The following ZCCHC7 variants were observed in gnomAD, a reference collection of about 807,000 sequenced individuals.
ZCCHC7 encodes zinc finger CCHC-type containing 7, also known as zinc finger CCHC domain-containing protein 7.
ZCCHC7 carries 35 observed loss-of-function variants against 52.0 expected under a neutral mutation model. That is an observed-to-expected ratio of 0.67 (90% CI 0.51 to 0.89). The LOEUF is 0.89. ZCCHC7 is among the 40% of genes least tolerant of loss of function. ZCCHC7 has a pLI of 0.00. For missense variants in ZCCHC7, 574 were observed against 649.1 expected, an observed-to-expected ratio of 0.88 and a Z score of 1.26; for synonymous variants, 217 against 221.5, an observed-to-expected ratio of 0.98 and a Z score of 0.18.
At chr9:37,165,367 C>T (rs75575755) in intron 2 of ZCCHC7, among the ~76,000 whole-genome samples, 7,709 of 151,682 alleles carry the variant, frequency 0.051, 644 homozygotes, top group African/African-American at 0.17. Context: ...AAGTATAGGG[C>T]GAGAGTGAAC....
intron 2 of ZCCHC7, among the ~76,000 whole-genome samples, chr9:37,263,980 G>A (rs1826981296): frequency 6.6e-6 from 1 of 152,198 alleles, no homozygotes; most frequent in Admixed American, 6.5e-5. Flanking sequence ...GACCTTTCCT[G>A]AACTTGGTGA....
At chr9:37,317,558 A>G (rs964008236) in intron 5 of ZCCHC7, among the ~76,000 whole-genome samples, 3 of 152,232 alleles carry the variant, frequency 2.0e-5, no homozygotes, top group African/African-American at 7.2e-5. Flanking sequence ...AAAAAGACAG[A>G]AAAATATAAA....
chr9:37,291,146 C>T, intron 2 of ZCCHC7, among the ~76,000 whole-genome samples: 1 of 152,126 alleles, frequency 6.6e-6, no homozygotes. Flanking sequence ...ATATTTTCCA[C>T]ACAAAATGGC....
At chr9:37,227,568 C>T (rs1456660020) in intron 2 of ZCCHC7, among the ~76,000 whole-genome samples, 1 of 152,148 alleles carries the variant, frequency 6.6e-6, no homozygotes, top group African/African-American at 2.4e-5. Context: ...CCATCCAACC[C>T]AGGAGTTCCA....
At chr9:37,211,028 T>G (rs1219843153) in intron 2 of ZCCHC7, among the ~76,000 whole-genome samples, 1 of 152,268 alleles carries the variant, frequency 6.6e-6, no homozygotes, top group Non-Finnish European at 1.5e-5. Flanking sequence ...CCAGGAATGC[T>G]AATGTCTCCA....
intron 2 of ZCCHC7, among the ~76,000 whole-genome samples, chr9:37,202,820 C>T (rs954836445): frequency 6.6e-6 from 1 of 152,198 alleles, no homozygotes; most frequent in Non-Finnish European, 1.5e-5. Context: ...TATGGATCCA[C>T]GTTTGTCTCC....
intron 2 of ZCCHC7, among the ~76,000 whole-genome samples, chr9:37,296,313 G>T (rs189644396): frequency 2.6e-4 from 40 of 152,306 alleles, no homozygotes; most frequent in Admixed American, 8.5e-4. Flanking sequence ...TGTATAAAAA[G>T]AAGGTGTGGA....
intron 2 of ZCCHC7, among the ~76,000 whole-genome samples, chr9:37,199,604 A>G (rs1382995105): frequency 6.6e-6 from 1 of 150,608 alleles, no homozygotes; most frequent in African/African-American, 2.4e-5. Context: ...AAGTGCTGGG[A>G]TTACAGGCGT....
intron 2 of ZCCHC7, chr9:37,144,899 T>G (rs146941947): frequency 1.3e-5 from 2 of 152,010 alleles, no homozygotes; most frequent in Non-Finnish European, 2.9e-5. Flanking sequence ...CTCAGAAGAC[T>G]CAAAGGAATT....
At chr9:37,251,985 T>A (rs747544972) in intron 2 of ZCCHC7, among the ~76,000 whole-genome samples, 3 of 152,218 alleles carry the variant, frequency 2.0e-5, no homozygotes, top group East Asian at 3.8e-4. Flanking sequence ...CTGCCTTTTT[T>A]AATATATAAA....
intron 2 of ZCCHC7, among the ~76,000 whole-genome samples, chr9:37,272,883 A>C (rs951571119): frequency 6.6e-6 from 1 of 152,162 alleles, no homozygotes; most frequent in African/African-American, 2.4e-5. Flanking sequence ...ATTCTATTGT[A>C]TGATTGCACC....
intron 2 of ZCCHC7, among the ~76,000 whole-genome samples, chr9:37,170,830 T>C (rs1821688474): frequency 6.6e-6 from 1 of 152,168 alleles, no homozygotes; most frequent in African/African-American, 2.4e-5. Context: ...ATAGCACCTT[T>C]CTTAACCTCT....
intron 2 of ZCCHC7, among the ~76,000 whole-genome samples, chr9:37,246,719 G>T (rs1420554505): frequency 1.3e-5 from 2 of 152,096 alleles, no homozygotes; most frequent in African/African-American, 4.8e-5. Flanking sequence ...GGTATCTACA[G>T]ATTCAACTAA....
At chr9:37,230,573 G>C (rs572220102) in intron 2 of ZCCHC7, among the ~76,000 whole-genome samples, 2 of 152,158 alleles carry the variant, frequency 1.3e-5, no homozygotes, top group African/African-American at 4.8e-5. Context: ...AGTTAGGTTG[G>C]TAGCAGCTTT....
chr9:37,315,896 A>G (rs954549347), intron 5 of ZCCHC7, among the ~76,000 whole-genome samples: 13 of 146,448 alleles, frequency 8.9e-5, no homozygotes, highest in Non-Finnish European at 1.7e-4. Context: ...GGAAGGTAGT[A>G]GTGGGTAGCA....
chr9:37,156,741 G>C (rs1157644705), intron 2 of ZCCHC7, among the ~76,000 whole-genome samples: 2 of 152,210 alleles, frequency 1.3e-5, no homozygotes, highest in African/African-American at 2.4e-5. Context: ...TGTTCAGATA[G>C]ATACGACTTT....
chr9:37,126,317 A>G lies in ZCCHC7; in HGVS notation c.-16A>G, dbSNP rs1294517230. 8 of 1,600,648 alleles carry G rather than the reference A, an allele frequency of 5.0e-6. No individual in the cohort carries two copies. Among genetic ancestry groups the G allele is most frequent in the South Asian group, 1.1e-5 (1 of 88,992 alleles). On this transcript the variant is annotated 5_prime_UTR_variant, in exon 2 of 9. Transcript: ENST00000336755. ...TACAACTTTCTCTTTTGCAGCTTCA[A>G]GGTTACTGACTTTTTATGATGTTTG... is the stretch of plus-strand genomic sequence containing the variant.
chr9:37,311,818 G>A (rs1234168646), intron 5 of ZCCHC7, among the ~76,000 whole-genome samples: 2 of 152,184 alleles, frequency 1.3e-5, no homozygotes, highest in Non-Finnish European at 2.9e-5. Flanking sequence ...AAACTGTGTA[G>A]TATTTAACAT....
chr9:37,193,288 G>C (rs1372456724), intron 2 of ZCCHC7, among the ~76,000 whole-genome samples: 1 of 152,052 alleles, frequency 6.6e-6, no homozygotes, highest in South Asian at 2.1e-4. Context: ...CTTCAGAAGG[G>C]TATTGTAGCT....
Sources: allele counts gnomAD v4.1 joint callset (sites outside exome capture counted in the v4.1 genomes callset), GRCh38; gene constraint gnomAD v4.1.1; transcripts MANE v1.5; gene names NCBI Gene and HGNC (gene_info 2026-07-23, HGNC 2026-07-21).